Variants in SMURF2 observed in about 807,000 individuals in gnomAD.
SMURF2 encodes the protein SMAD specific E3 ubiquitin protein ligase 2.
A neutral mutation model predicts 109.6 loss-of-function variants in SMURF2; 48 were observed. The observed-to-expected ratio is 0.44, with a 90% CI of 0.35 to 0.56. The LOEUF is 0.56. SMURF2 is among the 20% of genes least tolerant of loss of function. The pLI, the probability that SMURF2 is intolerant of heterozygous loss-of-function variation, is 0.01. For synonymous variants in SMURF2, 288 were observed against 317.1 expected (o/e 0.91, Z 0.97); for missense variants, 575 against 909.0 (o/e 0.63, Z 4.72).
chr17:64,574,766 CT>C (rs755379617), intron 9 of SMURF2, among the ~76,000 whole-genome samples: 4 of 152,004 alleles, frequency 2.6e-5, no homozygotes, highest in Non-Finnish European at 5.9e-5. Context: ...CGCAGAAATC[CT>C]TTACTCACTA....
At chr17:64,632,989 G>A (rs1970370151) in intron 1 of SMURF2, among the ~76,000 whole-genome samples, 2 of 152,206 alleles carry the variant, frequency 1.3e-5, no homozygotes, top group South Asian at 4.1e-4. Flanking sequence ...AGAAGGTAGA[G>A]GCTGCATGTG....
intron 15 of SMURF2, among the ~76,000 whole-genome samples, chr17:64,553,058 C>CA (rs1290941715): frequency 1.3e-5 from 2 of 152,008 alleles, no homozygotes; most frequent in East Asian, 1.9e-4. Flanking sequence ...ACGTATATAA[C>CA]AAAAAAATCA....
At chr17:64,619,528 C>A (rs888132018) in intron 1 of SMURF2, among the ~76,000 whole-genome samples, 1 of 145,354 alleles carries the variant, frequency 6.9e-6, no homozygotes, top group African/African-American at 2.5e-5. Flanking sequence ...TTTGGCAAGA[C>A]GTTTGCCTTA....
chr17:64,563,589 A>G (rs1325063064), intron 10 of SMURF2, among the ~76,000 whole-genome samples: 1 of 152,214 alleles, frequency 6.6e-6, no homozygotes, highest in African/African-American at 2.4e-5. Flanking sequence ...ACTTGGGTAT[A>G]TTTCATATCA....
chr17:64,579,764 A>ATAGAGG (rs1386101029), intron 8 of SMURF2, among the ~76,000 whole-genome samples: 2 of 152,152 alleles, frequency 1.3e-5, no homozygotes, highest in Non-Finnish European at 2.9e-5. Flanking sequence ...ATTTTCCTCT[A>ATAGAGG]TAGAGGATAA....
intron 2 of SMURF2, among the ~76,000 whole-genome samples, chr17:64,602,546 T>C (rs1473821083): frequency 7.2e-5 from 11 of 152,196 alleles, no homozygotes; most frequent in Non-Finnish European, 1.5e-4. Flanking sequence ...GCCAAGTTAC[T>C]CCCATGTGGT....
chr17:64,578,611 T>C (rs782642203), intron 8 of SMURF2, 35 bp from the exon 9 acceptor site: 2 of 1,432,012 alleles, frequency 1.4e-6, no homozygotes, highest in Admixed American at 3.4e-5. Context: ...ACAAAAACAT[T>C]CAGAGTGTCC....
At chr17:64,653,776 T>G (rs570006652) in intron 1 of SMURF2, among the ~76,000 whole-genome samples, 1 of 152,162 alleles carries the variant, frequency 6.6e-6, no homozygotes, top group Non-Finnish European at 1.5e-5. Flanking sequence ...AAGAAAAACA[T>G]GTTCACAAAG....
At chr17:64,607,846 C>A (rs1969990480) in intron 1 of SMURF2, among the ~76,000 whole-genome samples, 1 of 151,158 alleles carries the variant, frequency 6.6e-6, no homozygotes, top group Non-Finnish European at 1.5e-5. Context: ...TGGCGCACAC[C>A]TGTAATCCCA....
intron 6 of SMURF2, among the ~76,000 whole-genome samples, chr17:64,585,336 A>T (rs1969638236): frequency 6.6e-6 from 1 of 152,164 alleles, no homozygotes. Context: ...TGAGGGTAAC[A>T]ATAATAGTAG....
intron 1 of SMURF2, among the ~76,000 whole-genome samples, chr17:64,625,074 G>A (rs1970251340): frequency 6.6e-6 from 1 of 152,134 alleles, no homozygotes; most frequent in African/African-American, 2.4e-5. Context: ...TAAGCATTTA[G>A]AAAGATGGTT....
intron 2 of SMURF2, among the ~76,000 whole-genome samples, chr17:64,605,422 T>C (rs1365832325): frequency 6.6e-6 from 1 of 152,052 alleles, no homozygotes; most frequent in Non-Finnish European, 1.5e-5. Flanking sequence ...ATGAATTAAG[T>C]ATAATTTTAA....
chr17:64,559,644 G>T (rs1555684347), intron 12 of SMURF2, among the ~76,000 whole-genome samples: 1 of 151,376 alleles, frequency 6.6e-6, no homozygotes. Context: ...GGTGGCTCGC[G>T]CCTGTAATTC....
At chr17:64,655,580 C>A (rs1970695718) in intron 1 of SMURF2, among the ~76,000 whole-genome samples, 1 of 151,800 alleles carries the variant, frequency 6.6e-6, no homozygotes, top group Admixed American at 6.6e-5. Flanking sequence ...TCTTATTAAA[C>A]TTAACAAGTT....
chr17:64,557,502 G>T (rs1011219428), intron 13 of SMURF2, 106 bp downstream of exon 13: 39 of 773,510 alleles, frequency 5.0e-5, no homozygotes, highest in Middle Eastern at 3.5e-4. Flanking sequence ...GAGTCAAAGG[G>T]CACAACTAAG....
chr17:64,563,369 C>G (rs781814525), intron 10 of SMURF2, among the ~76,000 whole-genome samples: 11 of 152,188 alleles, frequency 7.2e-5, no homozygotes, highest in Non-Finnish European at 1.3e-4. Flanking sequence ...TGGCAGGGAT[C>G]CCTTCTTTTT....
intron 1 of SMURF2, among the ~76,000 whole-genome samples, chr17:64,624,936 T>A (rs943409302): frequency 1.3e-5 from 2 of 152,166 alleles, no homozygotes; most frequent in Middle Eastern, 3.2e-3. Flanking sequence ...ATTTGCAGTA[T>A]GTGATCCTGA....
intron 10 of SMURF2, among the ~76,000 whole-genome samples, chr17:64,568,515 T>C (rs1555685281): frequency 6.6e-6 from 1 of 152,178 alleles, no homozygotes; most frequent in Admixed American, 6.5e-5. Flanking sequence ...ACTTTGGGTA[T>C]GTTACATACT....
chr17:64,546,251 A>G lies in SMURF2; in HGVS notation c.2147+12T>C. On this transcript the variant is annotated intron_variant, in intron 18 of 18. Coordinates refer to ENST00000262435, the MANE Select transcript of SMURF2 (RefSeq NM_022739.4). ...ACATGGAATGGGGAATACAGCTACA[A>G]AAATACCTTACCAAGTGTGGGCTTT... The G allele has an allele frequency of 6.2e-7, 1 of 1,613,476 alleles. No homozygotes were observed. Among genetic ancestry groups the G allele is most frequent in the Non-Finnish European group, 8.5e-7 (1 of 1,179,368 alleles).
Sources: allele counts gnomAD v4.1 joint callset (sites outside exome capture counted in the v4.1 genomes callset), GRCh38; gene constraint gnomAD v4.1.1; transcripts MANE v1.5; gene names NCBI Gene and HGNC (gene_info 2026-07-23, HGNC 2026-07-21).